The following MARCHF10 variants were observed in gnomAD, a reference collection of about 807,000 sequenced individuals.
MARCHF10 encodes membrane associated ring-CH-type finger 10.
A neutral mutation model predicts 76.2 loss-of-function variants in MARCHF10; 64 were observed. That is an observed-to-expected ratio of 0.84 (90% CI 0.69 to 1.03). The LOEUF (loss-of-function observed/expected upper bound fraction) is 1.03, where lower values mean the gene tolerates loss of function less well. Ranked by LOEUF, MARCHF10 falls within the 50% of genes least tolerant of loss-of-function variation. MARCHF10 has a pLI of 0.00. For synonymous variants in MARCHF10, 340 were observed against 357.5 expected, an observed-to-expected ratio of 0.95 and a Z score of 0.55; for missense variants, 875 against 958.0, an observed-to-expected ratio of 0.91 and a Z score of 1.14.
intron 2 of MARCHF10, among the ~76,000 whole-genome samples, chr17:62,794,085 A>C (rs1435918238): frequency 5.2e-4 from 61 of 117,826 alleles, no homozygotes; most frequent in African/African-American, 2.0e-3. Context: ...CCACCACCAC[A>C]ACCATCGCCA....
chr17:62,748,567 GTC>G (rs2091788951), intron 4 of MARCHF10, among the ~76,000 whole-genome samples: 1 of 152,106 alleles, frequency 6.6e-6, no homozygotes, highest in South Asian at 2.1e-4. Flanking sequence ...TGAGACTCCT[GTC>G]TCTACAAAAA....
At chr17:62,799,433 C>T (rs1175211687) in intron 2 of MARCHF10, among the ~76,000 whole-genome samples, 1 of 152,206 alleles carries the variant, frequency 6.6e-6, no homozygotes, top group African/African-American at 2.4e-5. Context: ...CTTAAACCAT[C>T]CAATAATTCT....
At chr17:62,763,718 C>A (rs28412879) in intron 3 of MARCHF10, among the ~76,000 whole-genome samples, 105,219 of 152,092 alleles carry the variant, frequency 0.69, 37,574 homozygotes, top group African/African-American at 0.88. Context: ...AAAAACAAAC[C>A]AAAAACCAAA....
At position 62,788,613 on chromosome 17, in the gene MARCHF10, AC is replaced by A; in HGVS notation, c.91-15del. On this transcript the variant is annotated splice_polypyrimidine_tract_variant and intron_variant, in intron 2 of 10. Coordinates refer to ENST00000311269, the MANE Select transcript of MARCHF10 (RefSeq NM_152598.4). Reference sequence around the variant, plus strand: ...TCTCAGACAAGCCTGAAGAACAACAACAATAAAATGTTTGTCTTAGGACCAT... The same window carrying A: ...TCTCAGACAAGCCTGAAGAACAACAAAATAAAATGTTTGTCTTAGGACCAT... 6.2e-7 allele frequency: 1 copy of A among 1,613,826 alleles called. No homozygotes were observed. The highest frequency in any genetic ancestry group is 1.1e-5 in the South Asian group (1 of 91,082).
chr17:62,734,884 T>C (rs1438289803), intron 6 of MARCHF10, among the ~76,000 whole-genome samples: 1 of 152,210 alleles, frequency 6.6e-6, no homozygotes, highest in Non-Finnish European at 1.5e-5. Flanking sequence ...TTTGGGATGG[T>C]AGAAATTTAG....
At chr17:62,788,435 C>A in intron 3 of MARCHF10, 45 bp downstream of exon 3, 1 of 1,610,948 alleles carries the variant, frequency 6.2e-7, no homozygotes, top group Non-Finnish European at 8.5e-7. Context: ...CCACCACCAG[C>A]AGCAGCAGCA....
At chr17:62,800,245 G>A (rs1171152057) in intron 2 of MARCHF10, among the ~76,000 whole-genome samples, 2 of 152,128 alleles carry the variant, frequency 1.3e-5, no homozygotes, top group Admixed American at 1.3e-4. Context: ...AACGGCAACG[G>A]CTCAAAGCCA....
chr17:62,712,228 A>C lies in MARCHF10; in HGVS notation c.2215-884T>G, dbSNP rs146823361. 3.9e-4 allele frequency among the ~76,000 whole-genome samples: 60 copies of C among 152,302 alleles called. No individual in the cohort carries two copies. The highest frequency in any genetic ancestry group is 1.4e-3 in the African/African-American group (59 of 41,560). ...TGGGATGGGCCAGGCTGTGCTCACA[A>C]AGCCACCCAGCCCCCGGGGAATAGA... On this transcript the variant is annotated intron_variant, in intron 8 of 10. Coordinates refer to ENST00000311269, the MANE Select transcript of MARCHF10 (RefSeq NM_152598.4). The surrounding 1 kb of genome is among the most constrained non-coding windows in gnomAD (Gnocchi z 4.2).
intron 5 of MARCHF10, 80 bp from the exon 6 acceptor site, chr17:62,737,412 G>T (rs1355528362): frequency 6.6e-6 from 9 of 1,370,668 alleles, no homozygotes; most frequent in African/African-American, 1.5e-5. Context: ...GTGCAAAATT[G>T]CCCTTTAAAT....
At chr17:62,709,689 G>A (rs2089806534) in intron 9 of MARCHF10, among the ~76,000 whole-genome samples, 1 of 152,172 alleles carries the variant, frequency 6.6e-6, no homozygotes, top group South Asian at 2.1e-4. Flanking sequence ...TTACTGAGAT[G>A]CAAATCAAGA....
chr17:62,716,154 A>G (rs911114755), intron 8 of MARCHF10, among the ~76,000 whole-genome samples: 6 of 152,192 alleles, frequency 3.9e-5, no homozygotes, highest in Non-Finnish European at 7.3e-5. Flanking sequence ...AGCGGCCTGC[A>G]TGGTCCTTGT....
rs534013346 is a variant in MARCHF10, at chr17:62,737,422, T to C, written c.536-90A>G. On this transcript the variant is annotated intron_variant, in intron 5 of 10. Coordinates refer to ENST00000311269, the MANE Select transcript of MARCHF10 (RefSeq NM_152598.4). Reference sequence around the variant, plus strand: ...ACCAAGTGCAAAATTGCCCTTTAAATGCAACAGACAAGACCTAGAGAAGAA... The same window carrying C: ...ACCAAGTGCAAAATTGCCCTTTAAACGCAACAGACAAGACCTAGAGAAGAA... The C allele has an allele frequency of 4.2e-6, 5 of 1,198,522 alleles. No individual in the cohort carries two copies. In the African/African-American group the frequency reaches 6.1e-5, roughly 15 times the overall value. 74.2% of individuals were successfully genotyped at this position (1,198,522 alleles called of 1,614,324 possible).
intron 5 of MARCHF10, among the ~76,000 whole-genome samples, chr17:62,739,385 T>C (rs2091417534): frequency 7.0e-6 from 1 of 142,232 alleles, no homozygotes; most frequent in Non-Finnish European, 1.6e-5. Context: ...GGCTGATGAC[T>C]TTTTTTTTTT....
At chr17:62,705,703 A>T (rs947034849) in intron 9 of MARCHF10, 122 bp from the exon 10 acceptor site, 5 of 1,232,650 alleles carry the variant, frequency 4.1e-6, no homozygotes, top group Non-Finnish European at 5.7e-6. Flanking sequence ...AGGGGCAGGA[A>T]AATGGGCAGA....
In MARCHF10 at chr17:62,775,042, A is replaced by G. The variant is rs1164694345; in HGVS notation, c.210+13438T>C. Among the ~76,000 whole-genome samples the G allele has an allele frequency of 4.6e-5, 7 of 151,868 alleles. No homozygotes were observed. In the East Asian group the frequency reaches 1.4e-3, roughly 30 times the overall value. ...GCACTCTAGCCTGGGCAACAGAGCA[A>G]GACTCCCATCTCCACAAAAAAGAAA... is the stretch of plus-strand genomic sequence containing the variant. On this transcript the variant is annotated intron_variant, in intron 3 of 10. Transcript: ENST00000311269.
At chr17:62,702,022 T>A (rs954584199) in intron 10 of MARCHF10, among the ~76,000 whole-genome samples, 1 of 152,194 alleles carries the variant, frequency 6.6e-6, no homozygotes, top group African/African-American at 2.4e-5. Context: ...CCACATAGCC[T>A]GGTGCAGAAC....
At chr17:62,776,645 T>A (rs1405271334) in intron 3 of MARCHF10, among the ~76,000 whole-genome samples, 1 of 152,220 alleles carries the variant, frequency 6.6e-6, no homozygotes, top group Non-Finnish European at 1.5e-5. Flanking sequence ...CACACCAGTA[T>A]TCCAATTACT....
intron 1 of MARCHF10, among the ~76,000 whole-genome samples, chr17:62,804,338 T>C (rs1435021151): frequency 1.3e-5 from 2 of 152,094 alleles, no homozygotes; most frequent in African/African-American, 4.8e-5. Flanking sequence ...CATTCTGTGA[T>C]AACTGAAGTT....
chr17:62,715,055 C>T (rs574912794), intron 8 of MARCHF10, among the ~76,000 whole-genome samples: 44 of 152,268 alleles, frequency 2.9e-4, no homozygotes, highest in African/African-American at 8.7e-4. Flanking sequence ...CCTCACTGCT[C>T]CTCCTTTCCT....
Sources: allele counts gnomAD v4.1 joint callset (sites outside exome capture counted in the v4.1 genomes callset), GRCh38; gene constraint gnomAD v4.1.1; non-coding constraint Gnocchi (gnomAD v3.1); transcripts MANE v1.5; gene names NCBI Gene and HGNC (gene_info 2026-07-23, HGNC 2026-07-21).